Variants in UBA2 observed in about 807,000 individuals in gnomAD.
The protein encoded by UBA2 is SUMO-activating enzyme subunit 2.
Under a neutral mutation model 77.2 loss-of-function variants are expected in UBA2, and 11 were observed. That is an observed-to-expected ratio of 0.14 (90% CI 0.09 to 0.24). UBA2 has a LOEUF of 0.24. Ranked by LOEUF, UBA2 falls within the 10% of genes least tolerant of loss-of-function variation. The pLI, the probability that UBA2 is intolerant of heterozygous loss-of-function variation, is 1.00. For synonymous variants in UBA2, 278 were observed against 276.7 expected, an observed-to-expected ratio of 1.00 and a Z score of -0.05; for missense variants, 487 against 781.7, an observed-to-expected ratio of 0.62 and a Z score of 4.50.
intron 12 of UBA2, among the ~76,000 whole-genome samples, chr19:34,457,075 T>C (rs2075571285): frequency 6.8e-6 from 1 of 147,838 alleles, no homozygotes; most frequent in Non-Finnish European, 1.5e-5. Flanking sequence ...ACACGTGTAA[T>C]CCCAGCTCTT....
rs1199120392 is a variant in UBA2 at position 34,458,102 on chromosome 19, G to A, written c.1246-667G>A. ...TGCTTGCTTGATAAGAATAGCCTCA[G>A]GGAGGGACACCAGCTGCTGATACAA... is the stretch of plus-strand genomic sequence containing the variant. On this transcript the variant is annotated intron_variant, in intron 12 of 16. Transcript: ENST00000246548. Among the ~76,000 whole-genome samples, 4 of 152,252 alleles carry A rather than the reference G, an allele frequency of 2.6e-5. No homozygotes were observed. The East Asian group carries it at 5.8e-4, about 22-fold the overall frequency.
intron 8 of UBA2, among the ~76,000 whole-genome samples, chr19:34,448,223 C>T (rs2075452337): frequency 6.6e-6 from 1 of 152,106 alleles, no homozygotes; most frequent in African/African-American, 2.4e-5. Flanking sequence ...GGAGTACAGC[C>T]ATCTGTACTC....
intron 5 of UBA2, among the ~76,000 whole-genome samples, chr19:34,435,548 G>A (rs759697496): frequency 6.6e-6 from 1 of 151,870 alleles, no homozygotes; most frequent in African/African-American, 2.4e-5. Context: ...TCTTTGTGTC[G>A]GCTGCGTGCA....
At chr19:34,464,750 A>T (rs1381338479) in intron 15 of UBA2, among the ~76,000 whole-genome samples, 1 of 152,204 alleles carries the variant, frequency 6.6e-6, no homozygotes, top group Non-Finnish European at 1.5e-5. Flanking sequence ...CTAGAAAAAA[A>T]TATTTCTTCC....
At chr19:34,446,606 T>TC (rs1188279392) in intron 8 of UBA2, among the ~76,000 whole-genome samples, 41 of 71,338 alleles carry the variant, frequency 5.7e-4, no homozygotes, top group African/African-American at 1.2e-3. Context: ...ACTTTTTTTT[T>TC]TCTTTCTTTT....
intron 8 of UBA2, among the ~76,000 whole-genome samples, chr19:34,446,627 TGAGA>T (rs2075434797): frequency 6.7e-6 from 1 of 149,558 alleles, no homozygotes; most frequent in Admixed American, 6.7e-5. Context: ...TTTTTTTTTT[TGAGA>T]GAGAATCCTG....
chr19:34,434,997 C>G (rs372427517), intron 5 of UBA2, 29 bp downstream of exon 5: 99 of 1,456,658 alleles, frequency 6.8e-5, no homozygotes, highest in Non-Finnish European at 8.0e-5. Context: ...TTTTTAACTT[C>G]CCAAATATTT....
At chr19:34,449,598 A>G (rs2075470450) in intron 8 of UBA2, among the ~76,000 whole-genome samples, 2 of 152,372 alleles carry the variant, frequency 1.3e-5, no homozygotes, top group South Asian at 2.1e-4. Context: ...GCAGATAAGG[A>G]AAAAGAAAAA....
In UBA2 at chr19:34,433,350, C is replaced by T; in HGVS notation, c.296C>T (p.Pro99Leu). Reference protein sequence around the residue: ...IVAYHDSIMNPDYNVEFFRQF... With the variant: ...IVAYHDSIMNLDYNVEFFRQF... Reference sequence around the variant, plus strand: ...CCTTTTTTTATTTTGTTTTGTAGCCCTGACTATAATGTGGAATTTTTCCGA... The same window carrying T: ...CCTTTTTTTATTTTGTTTTGTAGCCTTGACTATAATGTGGAATTTTTCCGA... The change falls in exon 4 of 17, where the codon CCT becomes CTT. Residue 99 changes from proline (P) to leucine (L), a missense_variant and splice_region_variant. Physicochemically the swap from Pro to Leu is moderately conservative, Grantham distance 98. This residue lies in a region of UBA2 where 66 missense variants were observed against 112.0 expected (regional missense o/e 0.59). Coordinates refer to ENST00000246548, the MANE Select transcript of UBA2 (RefSeq NM_005499.3). 1.2e-6 allele frequency: 2 copies of T among 1,610,698 alleles called. No individual in the cohort carries two copies. The highest frequency in any genetic ancestry group is 8.5e-7 in the Non-Finnish European group (1 of 1,177,904).
intron 9 of UBA2, among the ~76,000 whole-genome samples, chr19:34,450,986 A>G (rs1429321667): frequency 6.6e-6 from 1 of 151,960 alleles, no homozygotes; most frequent in Non-Finnish European, 1.5e-5. Flanking sequence ...AAATTTTTTT[A>G]ATGTTTAGAA....
intron 12 of UBA2, among the ~76,000 whole-genome samples, chr19:34,458,500 G>A (rs1338433818): frequency 2.0e-5 from 3 of 146,706 alleles, no homozygotes; most frequent in African/African-American, 5.1e-5. Context: ...GGCGGAGCCT[G>A]CAGTGAGCCG....
chr19:34,464,273 A>G, intron 15 of UBA2, 142 bp downstream of exon 15: 1 of 594,924 alleles, frequency 1.7e-6, no homozygotes, highest in Admixed American at 3.0e-5. Context: ...TTGGTCACTG[A>G]GTTCCGTGAT....
chr19:34,446,787 A>G (rs999053862), intron 8 of UBA2, among the ~76,000 whole-genome samples: 1 of 151,718 alleles, frequency 6.6e-6, no homozygotes, highest in African/African-American at 2.4e-5. Context: ...TTGTATTTTT[A>G]GTAGATAGGG....
At chr19:34,458,625 A>G (rs1437219695) in intron 12 of UBA2, 144 bp from the exon 13 acceptor site, 2 of 473,410 alleles carry the variant, frequency 4.2e-6, no homozygotes, top group Non-Finnish European at 7.2e-6. Flanking sequence ...TAAAAAGGTC[A>G]TGATTTTCCT....
At chr19:34,438,220 C>CAAAA (rs35061343) in intron 5 of UBA2, among the ~76,000 whole-genome samples, 2 of 133,988 alleles carry the variant, frequency 1.5e-5, no homozygotes, top group Non-Finnish European at 3.2e-5. Flanking sequence ...TAGTTTTGCT[C>CAAAA]AAAAAAAAAA....
intron 4 of UBA2, 139 bp from the exon 5 acceptor site, chr19:34,434,729 T>G: frequency 1.6e-6 from 1 of 626,824 alleles, no homozygotes; most frequent in South Asian, 1.9e-5. Flanking sequence ...TAATTAACAG[T>G]TGTATTATTC....
intron 14 of UBA2, among the ~76,000 whole-genome samples, chr19:34,462,838 TA>T (rs1568384957): frequency 6.6e-6 from 1 of 152,136 alleles, no homozygotes; most frequent in Non-Finnish European, 1.5e-5. Flanking sequence ...GTTGTAGCTG[TA>T]ATGCCAGCAC....
intron 5 of UBA2, among the ~76,000 whole-genome samples, chr19:34,436,976 T>TC (rs2075315687): frequency 6.6e-6 from 1 of 152,208 alleles, no homozygotes; most frequent in Non-Finnish European, 1.5e-5. Context: ...AGTATGAGTC[T>TC]CATGACTGCT....
In UBA2 at chr19:34,445,033, C is replaced by G. The variant is rs761692807; in HGVS notation, c.683C>G (p.Ala228Gly). The G allele has an allele frequency of 1.9e-6, 3 of 1,613,706 alleles. No individual in the cohort carries two copies. In the South Asian group the frequency reaches 3.3e-5, roughly 18 times the overall value. Residue 228 changes from alanine to glycine, a missense_variant, in exon 8 of 17, where the codon GCA becomes GGA. Ala to Gly is a moderately conservative substitution (Grantham distance 60, BLOSUM62 0). Around this residue, in one of 9 missense-constraint regions of UBA2, gnomAD observed 300 missense variants for 454.3 expected, o/e 0.66. Transcript: ENST00000246548. ...ACGGAAGCCGAAGCCAGAGCTAGAGCATCTAATGAAGATGGTGACATTAAA... is the reference window on the plus strand; with the variant it reads ...ACGGAAGCCGAAGCCAGAGCTAGAGGATCTAATGAAGATGGTGACATTAAA... ...EPTEAEARAR[A>G]SNEDGDIKRI...
Sources: allele counts gnomAD v4.1 joint callset (sites outside exome capture counted in the v4.1 genomes callset), GRCh38; gene constraint gnomAD v4.1.1; regional missense constraint gnomAD v4.1.1; transcripts MANE v1.5; gene names NCBI Gene and HGNC (gene_info 2026-07-23, HGNC 2026-07-21).